Variants in SNX18 observed in about 807,000 individuals in gnomAD.
The protein encoded by SNX18 is sorting nexin-18.
In SNX18, 35 loss-of-function variants were observed where a neutral mutation model predicts 48.7. That is an observed-to-expected ratio of 0.72 (90% CI 0.55 to 0.95). SNX18 has a LOEUF of 0.95. Among genes scored for constraint, SNX18 ranks in the 40% least tolerant of loss-of-function variants. The pLI is 0.00. For synonymous variants in SNX18, 492 were observed against 384.7 expected (o/e 1.28, Z -3.26); for missense variants, 824 against 871.0 (o/e 0.95, Z 0.68).
chr5:54,636,386 G>A, the SNX18 span, among the ~76,000 whole-genome samples: 1 of 151,110 alleles, frequency 6.6e-6, no homozygotes, highest in Non-Finnish European at 1.5e-5. Flanking sequence ...TTTATCTCTG[G>A]AGCATTTTGC....
At chr5:54,629,980 A>C in the SNX18 span, among the ~76,000 whole-genome samples, 1 of 152,334 alleles carries the variant, frequency 6.6e-6, no homozygotes, top group African/African-American at 2.4e-5. Context: ...ATATTTATTG[A>C]GCTCTTATCA....
the SNX18 span, among the ~76,000 whole-genome samples, chr5:54,635,658 C>T: frequency 1.3e-5 from 2 of 152,152 alleles, no homozygotes; most frequent in African/African-American, 4.8e-5. Flanking sequence ...GTAGTGGATG[C>T]TGTGGTCTCA....
intron 1 of SNX18, among the ~76,000 whole-genome samples, chr5:54,532,902 T>A (rs1001183487): frequency 6.6e-6 from 1 of 152,240 alleles, no homozygotes; most frequent in Non-Finnish European, 1.5e-5. Context: ...TTTAAGGTAT[T>A]TATACGCAAG....
the SNX18 span, among the ~76,000 whole-genome samples, chr5:54,647,195 A>C: frequency 3.3e-5 from 5 of 152,266 alleles, no homozygotes; most frequent in Admixed American, 6.5e-5. Context: ...TTTATTCAAT[A>C]ATCATTTACT....
the SNX18 span, among the ~76,000 whole-genome samples, chr5:54,632,784 T>C: frequency 0.18 from 26,939 of 151,360 alleles, 2,574 homozygotes; most frequent in East Asian, 0.3. Context: ...ATTTTTTTTA[T>C]TTTTTTTTGA....
At chr5:54,646,122 GAGA>G in the SNX18 span, 5 of 15,824 alleles carry the variant, frequency 3.2e-4, no homozygotes, top group African/African-American at 1.4e-3. Flanking sequence ...TAAGAAATGA[GAGA>G]GAGAATAAAT....
At chr5:54,643,918 G>A in the SNX18 span, 2 of 152,374 alleles carry the variant, frequency 1.3e-5, no homozygotes, top group African/African-American at 2.4e-5. Flanking sequence ...GGGAAAAAAC[G>A]TGAGTGCTCA....
At chr5:54,588,168 C>T in the SNX18 span, among the ~76,000 whole-genome samples, 3 of 151,822 alleles carry the variant, frequency 2.0e-5, no homozygotes, top group African/African-American at 7.3e-5. Context: ...CATATTGACT[C>T]TAGGCCAAAA....
the SNX18 span, among the ~76,000 whole-genome samples, chr5:54,590,185 GT>G: frequency 2.6e-5 from 4 of 152,178 alleles, no homozygotes; most frequent in Admixed American, 1.3e-4. Context: ...TGTTTCAGTA[GT>G]TAGAAATTCA....
chr5:54,611,866 C>G, the SNX18 span, among the ~76,000 whole-genome samples: 1 of 124,160 alleles, frequency 8.1e-6, no homozygotes, highest in Non-Finnish European at 1.7e-5. Context: ...GAATTTTCTT[C>G]TTCTTCTTCT....
At chr5:54,645,334 CAT>C in the SNX18 span, 1 of 152,296 alleles carries the variant, frequency 6.6e-6, no homozygotes, top group East Asian at 1.9e-4. Context: ...ACAAGGGAGA[CAT>C]ATAGATACTG....
At chr5:54,569,511 T>C in the SNX18 span, among the ~76,000 whole-genome samples, 2 of 152,166 alleles carry the variant, frequency 1.3e-5, no homozygotes, top group Admixed American at 6.5e-5. Flanking sequence ...GTCTGTGACC[T>C]CATCTGGGAA....
At chr5:54,626,588 C>A in the SNX18 span, among the ~76,000 whole-genome samples, 1 of 152,170 alleles carries the variant, frequency 6.6e-6, no homozygotes, top group African/African-American at 2.4e-5. Flanking sequence ...GGTAATTTTA[C>A]CAGAAATTAG....
intron 1 of SNX18, among the ~76,000 whole-genome samples, chr5:54,538,462 A>G (rs1762398455): frequency 6.6e-6 from 1 of 152,112 alleles, no homozygotes; most frequent in African/African-American, 2.4e-5. Context: ...GTTTACTTCT[A>G]GTCAGAACTA....
chr5:54,518,610 A>C lies in SNX18; in HGVS notation c.658A>C (p.Lys220Gln). 1 of 1,571,714 alleles carries C rather than the reference A, an allele frequency of 6.4e-7. No individual in the cohort carries two copies. Among genetic ancestry groups the C allele is most frequent in the East Asian group, 2.2e-5 (1 of 44,462 alleles). The change falls in exon 1 of 2, where the codon AAG becomes CAG. Residue 220 changes from lysine to glutamine, a missense_variant. This residue lies in a region of SNX18 where 377 missense variants were observed against 350.6 expected (regional missense o/e 1.08). Coordinates refer to ENST00000381410, the MANE Select transcript of SNX18 (RefSeq NM_001102575.2). Reference sequence around the variant, plus strand: ...CCCGCAGCACCACCCGTCGGGGCCCAAGAGCTCGGCCACCGTGAGCCGCAA... The same window carrying C: ...CCCGCAGCACCACCCGTCGGGGCCCCAGAGCTCGGCCACCGTGAGCCGCAA... Reference protein sequence around the residue: ...VPPQHHPSGPKSSATVSRNLN... With the variant: ...VPPQHHPSGPQSSATVSRNLN...
In SNX18 at chr5:54,518,786, C is replaced by A; in HGVS notation, c.834C>A (p.Cys278Ter). ...AGGAGAACCCCTACCCGTTCCAGTG[C>A]ACCATCGACGACCCCACCAAGCAGA... ...EWQENPYPFQ[C>*]TIDDPTKQTK... Residue 278 changes from cysteine to a stop codon, truncating the protein, a stop_gained, in exon 1 of 2, where the codon TGC becomes TGA. Coordinates refer to ENST00000381410, the MANE Select transcript of SNX18 (RefSeq NM_001102575.2). LOFTEE classifies it high-confidence loss of function. 6.2e-7 allele frequency: 1 copy of A among 1,605,180 alleles called. No homozygotes were observed. The highest frequency in any genetic ancestry group is 8.5e-7 in the Non-Finnish European group (1 of 1,175,216).
At chr5:54,578,852 T>G in the SNX18 span, among the ~76,000 whole-genome samples, 1 of 152,182 alleles carries the variant, frequency 6.6e-6, no homozygotes, top group African/African-American at 2.4e-5. Flanking sequence ...CTGGACTCAA[T>G]CCTAGGTGGT....
intron 1 of SNX18, chr5:54,519,982 A>G: frequency 1.5e-6 from 1 of 670,014 alleles, no homozygotes; most frequent in Non-Finnish European, 2.5e-6. Flanking sequence ...TGAGGAAATA[A>G]TGGAGAAGAA....
At chr5:54,570,659 A>G in the SNX18 span, among the ~76,000 whole-genome samples, 1 of 152,192 alleles carries the variant, frequency 6.6e-6, no homozygotes, top group Middle Eastern at 3.2e-3. Flanking sequence ...AGTTAGCTTC[A>G]GCAAAGATCA....
Sources: gnomAD v4.1 joint callset for allele counts (sites outside exome capture counted in the v4.1 genomes callset) on GRCh38, gnomAD v4.1.1 for gene constraint, gnomAD v4.1.1 regional missense constraint, MANE v1.5 for transcripts, NCBI Gene and HGNC (gene_info 2026-07-23, HGNC 2026-07-21) for gene names.